Variants in HPSE2 observed in about 807,000 individuals in gnomAD.
The protein encoded by HPSE2 is heparanase 2 (inactive).
Under a neutral mutation model 60.5 loss-of-function variants are expected in HPSE2, and 38 were observed. That is an observed-to-expected ratio of 0.63 (90% CI 0.48 to 0.82). HPSE2 has a LOEUF of 0.82. Ranked by LOEUF, HPSE2 falls within the 40% of genes least tolerant of loss-of-function variation. The pLI, the probability that HPSE2 is intolerant of heterozygous loss-of-function variation, is 0.00. For synonymous variants in HPSE2, 295 were observed against 293.2 expected, an observed-to-expected ratio of 1.01 and a Z score of -0.06; for missense variants, 713 against 740.4, an observed-to-expected ratio of 0.96 and a Z score of 0.43.
intron 6 of HPSE2, among the ~76,000 whole-genome samples, chr10:98,658,831 C>T (rs1947146763): frequency 6.6e-6 from 1 of 151,654 alleles, no homozygotes; most frequent in Non-Finnish European, 1.5e-5. Context: ...TTTTAGACAG[C>T]CAAATTTGGA....
At chr10:98,754,144 T>G (rs558286690) in intron 3 of HPSE2, among the ~76,000 whole-genome samples, 3 of 152,178 alleles carry the variant, frequency 2.0e-5, no homozygotes. Flanking sequence ...GATGAAACAG[T>G]CATTTTAAGA....
At chr10:99,140,765 G>A (rs1189798460) in intron 3 of HPSE2, among the ~76,000 whole-genome samples, 1 of 152,176 alleles carries the variant, frequency 6.6e-6, no homozygotes, top group Admixed American at 6.5e-5. Context: ...CTGGCTGGGT[G>A]CGGTGGCTCA....
chr10:98,989,098 G>A (rs1245718517), intron 3 of HPSE2, among the ~76,000 whole-genome samples: 3 of 152,096 alleles, frequency 2.0e-5, no homozygotes, highest in East Asian at 1.9e-4. Flanking sequence ...CGATTCCTCA[G>A]GGATCTAGAA....
At chr10:98,517,839 A>G (rs1328596998) in intron 9 of HPSE2, among the ~76,000 whole-genome samples, 2 of 152,258 alleles carry the variant, frequency 1.3e-5, no homozygotes, top group Non-Finnish European at 2.9e-5. Flanking sequence ...TTCCTCAACC[A>G]TAAAAACCTC....
At chr10:99,142,564 C>T (rs897413529) in intron 3 of HPSE2, among the ~76,000 whole-genome samples, 3 of 152,166 alleles carry the variant, frequency 2.0e-5, no homozygotes, top group Non-Finnish European at 2.9e-5. Context: ...CCTGAGGACT[C>T]TTTGAAGCAG....
chr10:98,505,328 G>A (rs1451631649), intron 9 of HPSE2, among the ~76,000 whole-genome samples: 2 of 152,192 alleles, frequency 1.3e-5, no homozygotes. Flanking sequence ...ATCCAAAATT[G>A]TGCGACACTC....
rs564495290 is a variant in HPSE2 at position 98,718,036 on chromosome 10, A to G, written c.956+3621T>C. Among the ~76,000 whole-genome samples, 98 of 152,252 alleles carry G rather than the reference A, an allele frequency of 6.4e-4. No individual in the cohort carries two copies. In the Middle Eastern group the frequency reaches 0.01, roughly 16 times the overall value. Reference sequence around the variant, plus strand: ...TGAACAATATGAGACAAGAAAAACCATAATGAAAAGAAAATTCTAAGACAA... The same window carrying G: ...TGAACAATATGAGACAAGAAAAACCGTAATGAAAAGAAAATTCTAAGACAA... On this transcript the variant is annotated intron_variant, in intron 5 of 11. Transcript: ENST00000370552.
At chr10:98,992,938 A>G (rs2135347343) in intron 3 of HPSE2, among the ~76,000 whole-genome samples, 1 of 152,314 alleles carries the variant, frequency 6.6e-6, no homozygotes, top group East Asian at 1.9e-4. Flanking sequence ...TGGGGATAAT[A>G]GTTATGGGAA....
At chr10:98,713,055 C>A (rs1012807005) in intron 5 of HPSE2, among the ~76,000 whole-genome samples, 2 of 152,012 alleles carry the variant, frequency 1.3e-5, no homozygotes, top group Non-Finnish European at 2.9e-5. Context: ...CTCAAGAAAG[C>A]ACTCTGATGG....
chr10:99,160,874 G>C (rs1372591268), intron 2 of HPSE2, among the ~76,000 whole-genome samples: 4 of 137,866 alleles, frequency 2.9e-5, no homozygotes, highest in Middle Eastern at 8.3e-3. Context: ...ACTCCAGCCT[G>C]GGCGACACAG....
At chr10:99,161,218 TAAA>T (rs79998038) in intron 2 of HPSE2, among the ~76,000 whole-genome samples, 1 of 132,790 alleles carries the variant, frequency 7.5e-6, no homozygotes, top group Admixed American at 7.7e-5. Flanking sequence ...GAGACTCTGT[TAAA>T]AAAAAAAAAA....
intron 7 of HPSE2, among the ~76,000 whole-genome samples, chr10:98,639,148 C>T (rs555143344): frequency 3.9e-5 from 6 of 152,248 alleles, no homozygotes; most frequent in Admixed American, 6.5e-5. Context: ...TACAGCATCA[C>T]GTGTCAGAGA....
intron 3 of HPSE2, among the ~76,000 whole-genome samples, chr10:98,758,363 T>C (rs1949928028): frequency 1.3e-5 from 2 of 150,706 alleles, no homozygotes; most frequent in African/African-American, 2.4e-5. Context: ...AAAGAGCTTC[T>C]GCACAGCAAA....
At chr10:98,830,807 C>T (rs1287513377) in intron 3 of HPSE2, among the ~76,000 whole-genome samples, 1 of 152,090 alleles carries the variant, frequency 6.6e-6, no homozygotes, top group African/African-American at 2.4e-5. Context: ...ATGATTCTCC[C>T]CATAATCAAT....
At chr10:99,229,896 C>T (rs1849590643) in intron 2 of HPSE2, among the ~76,000 whole-genome samples, 1 of 152,142 alleles carries the variant, frequency 6.6e-6, no homozygotes. Flanking sequence ...TGAAAAGGGA[C>T]AACAGAAGCA....
chr10:99,102,379 T>C (rs1173014817), intron 3 of HPSE2, among the ~76,000 whole-genome samples: 40 of 152,092 alleles, frequency 2.6e-4, no homozygotes, highest in Non-Finnish European at 1.5e-4. Context: ...CGAGAAAATC[T>C]AGAAGAAATG....
At chr10:98,470,842 T>C (rs1940751267) in intron 11 of HPSE2, among the ~76,000 whole-genome samples, 1 of 151,924 alleles carries the variant, frequency 6.6e-6, no homozygotes, top group Non-Finnish European at 1.5e-5. Context: ...ACGCAGAGAG[T>C]TTCCAGCTGC....
intron 2 of HPSE2, among the ~76,000 whole-genome samples, chr10:99,153,441 A>G (rs1403479205): frequency 2.6e-5 from 4 of 151,976 alleles, no homozygotes; most frequent in African/African-American, 7.3e-5. Context: ...TGGGTCCCTG[A>G]CCCCTGACCC....
At chr10:99,166,971 C>G (rs1847104901) in intron 2 of HPSE2, among the ~76,000 whole-genome samples, 1 of 151,328 alleles carries the variant, frequency 6.6e-6, no homozygotes. Flanking sequence ...TTTTATGGAT[C>G]ATACTTTCTT....
Sources: gnomAD v4.1 joint callset for allele counts (sites outside exome capture counted in the v4.1 genomes callset) on GRCh38, gnomAD v4.1.1 for gene constraint, MANE v1.5 for transcripts, NCBI Gene and HGNC (gene_info 2026-07-23, HGNC 2026-07-21) for gene names.